Variants in SGCD observed in about 807,000 individuals in gnomAD.
The protein encoded by SGCD is sarcoglycan delta, also known as delta-sarcoglycan.
A neutral mutation model predicts 36.6 loss-of-function variants in SGCD; 18 were observed. The observed-to-expected ratio is 0.49, with a 90% CI of 0.34 to 0.73. The LOEUF is 0.73. Among genes scored for constraint, SGCD ranks in the 30% least tolerant of loss-of-function variants. The pLI is 0.01. For missense variants in SGCD, 387 were observed against 346.7 expected, an observed-to-expected ratio of 1.12 and a Z score of -0.92; for synonymous variants, 133 against 130.6, an observed-to-expected ratio of 1.02 and a Z score of -0.12.
At chr5:156,185,851 A>ATATAT (rs1429326442) in intron 3 of SGCD, among the ~76,000 whole-genome samples, 1 of 2,566 alleles carries the variant, frequency 3.9e-4, no homozygotes, top group Non-Finnish European at 2.7e-3. Context: ...ATATATATAT[A>ATATAT]GAGAGAGAGA....
chr5:156,095,736 G>A (rs896328311), intron 1 of SGCD, among the ~76,000 whole-genome samples: 2 of 152,102 alleles, frequency 1.3e-5, no homozygotes, highest in Non-Finnish European at 2.9e-5. Flanking sequence ...TCACACGGTC[G>A]CTCCTAAACA....
chr5:156,465,730 C>G (rs952450535), intron 3 of SGCD, among the ~76,000 whole-genome samples: 1 of 152,164 alleles, frequency 6.6e-6, no homozygotes, highest in Admixed American at 6.5e-5. Flanking sequence ...CAGGCTCGTT[C>G]CAATTGAATC....
the SGCD span, among the ~76,000 whole-genome samples, chr5:155,787,239 A>G: frequency 6.6e-6 from 1 of 152,108 alleles, no homozygotes; most frequent in Admixed American, 6.6e-5. Flanking sequence ...AAAGCAGCAA[A>G]TTGTGCCTAT....
chr5:156,730,384 T>C lies in SGCD; in HGVS notation c.576-27197T>C, dbSNP rs148820887. ...CCTGATCCTCTCTATCCTCTCACCC[T>C]GCCAAAATGCCCCAGTGCATGTTGT... On this transcript the variant is annotated intron_variant, in intron 7 of 8. Transcript: ENST00000337851. 9.0e-3 allele frequency among the ~76,000 whole-genome samples: 1,370 copies of C among 152,224 alleles called. 6 individuals are homozygous for C. The highest frequency in any genetic ancestry group is 0.012 in the Non-Finnish European group (783 of 67,960).
chr5:156,046,081 C>T (rs1389409830), intron 1 of SGCD, among the ~76,000 whole-genome samples: 1 of 152,098 alleles, frequency 6.6e-6, no homozygotes, highest in African/African-American at 2.4e-5. Flanking sequence ...ATACATAGCT[C>T]AGTGTAGACA....
the SGCD span, among the ~76,000 whole-genome samples, chr5:155,756,101 C>A: frequency 1.3e-5 from 2 of 152,192 alleles, no homozygotes; most frequent in Non-Finnish European, 2.9e-5. Flanking sequence ...TCAATGCTTA[C>A]CAGCTGCATG....
At chr5:156,152,557 A>C (rs560318322) in intron 3 of SGCD, among the ~76,000 whole-genome samples, 3 of 151,846 alleles carry the variant, frequency 2.0e-5, no homozygotes, top group Admixed American at 1.3e-4. Context: ...GGATATCTCT[A>C]TTCATTTTAA....
intron 3 of SGCD, among the ~76,000 whole-genome samples, chr5:156,367,583 A>G (rs1289307287): frequency 2.6e-5 from 4 of 152,226 alleles, no homozygotes; most frequent in Admixed American, 6.5e-5. Flanking sequence ...ATATTGGAAC[A>G]TACGGAACAA....
chr5:156,204,669 T>A (rs1764231362), intron 3 of SGCD, among the ~76,000 whole-genome samples: 1 of 152,116 alleles, frequency 6.6e-6, no homozygotes, highest in African/African-American at 2.4e-5. Context: ...CAGTATCTCA[T>A]GAAATTGTTG....
chr5:155,973,185 G>A (rs1186149249), intron 1 of SGCD, among the ~76,000 whole-genome samples: 1 of 152,152 alleles, frequency 6.6e-6, no homozygotes. Context: ...AAACTCATCA[G>A]ACTTGAGTAA....
intron 3 of SGCD, among the ~76,000 whole-genome samples, chr5:156,243,793 T>G (rs1284437711): frequency 6.6e-6 from 1 of 152,112 alleles, no homozygotes; most frequent in Non-Finnish European, 1.5e-5. Flanking sequence ...CAAATAGTCA[T>G]GGGGAGAAAG....
chr5:156,642,838 C>T (rs1476235858), intron 6 of SGCD, among the ~76,000 whole-genome samples: 2 of 152,022 alleles, frequency 1.3e-5, no homozygotes, highest in Non-Finnish European at 2.9e-5. Context: ...CTACATTCAG[C>T]TCTTGACTAC....
intron 1 of SGCD, among the ~76,000 whole-genome samples, chr5:155,881,821 A>G (rs182423750): frequency 2.0e-5 from 3 of 152,344 alleles, no homozygotes; most frequent in East Asian, 3.9e-4. Context: ...TTTTCACAGC[A>G]TCTTCGCCAG....
chr5:156,695,503 AGATAGATG>A (rs879522235), intron 7 of SGCD, among the ~76,000 whole-genome samples: 1,356 of 109,580 alleles, frequency 0.012, 13 homozygotes, highest in Admixed American at 0.013. Flanking sequence ...ATAGATAGAT[AGATAGATG>A]GATAGATAGA....
the SGCD span, among the ~76,000 whole-genome samples, chr5:155,855,634 G>A: frequency 6.6e-6 from 1 of 152,146 alleles, no homozygotes; most frequent in Non-Finnish European, 1.5e-5. Flanking sequence ...TTATAGAGTG[G>A]TAGACCAACA....
chr5:156,249,845 T>C (rs1484161805), intron 3 of SGCD, among the ~76,000 whole-genome samples: 1 of 152,214 alleles, frequency 6.6e-6, no homozygotes, highest in Non-Finnish European at 1.5e-5. Flanking sequence ...ATATTATTAA[T>C]CTTTTAATCA....
chr5:156,167,816 A>C (rs1291202455), intron 3 of SGCD, among the ~76,000 whole-genome samples: 1 of 152,226 alleles, frequency 6.6e-6, no homozygotes, highest in African/African-American at 2.4e-5. Context: ...AGCCTGTAGA[A>C]TCATGAGCCA....
intron 2 of SGCD, among the ~76,000 whole-genome samples, chr5:156,119,160 G>C (rs914374683): frequency 2.0e-5 from 3 of 152,134 alleles, no homozygotes; most frequent in Non-Finnish European, 4.4e-5. Flanking sequence ...TCTCAGCAGA[G>C]ACTGAGCTGG....
chr5:156,084,116 G>C (rs1447329929), intron 1 of SGCD, among the ~76,000 whole-genome samples: 1 of 152,128 alleles, frequency 6.6e-6, no homozygotes, highest in Non-Finnish European at 1.5e-5. Context: ...GAATAAGCTT[G>C]TCTGTGTCTA....
Sources: gnomAD v4.1 joint callset for allele counts (sites outside exome capture counted in the v4.1 genomes callset) on GRCh38, gnomAD v4.1.1 for gene constraint, MANE v1.5 for transcripts, NCBI Gene and HGNC (gene_info 2026-07-23, HGNC 2026-07-21) for gene names.